The following KIF6 variants were observed in gnomAD, a reference collection of about 807,000 sequenced individuals.
The protein encoded by KIF6 is kinesin family member 6.
In KIF6, 106 loss-of-function variants were observed where a neutral mutation model predicts 112.7. That is an observed-to-expected ratio of 0.94 (90% CI 0.80 to 1.11). The LOEUF (loss-of-function observed/expected upper bound fraction) is 1.11, where lower values mean the gene tolerates loss of function less well. Ranked by LOEUF, KIF6 falls within the 50% of genes least tolerant of loss-of-function variation. The pLI is 0.00. For synonymous variants in KIF6, 339 were observed against 339.9 expected (o/e 1.00, Z 0.03); for missense variants, 929 against 964.0 (o/e 0.96, Z 0.48).
chr6:39,649,199 G>A (rs1405867370), intron 3 of KIF6, among the ~76,000 whole-genome samples: 1 of 152,074 alleles, frequency 6.6e-6, no homozygotes, highest in Non-Finnish European at 1.5e-5. Context: ...ATAAAAGCAT[G>A]TTCTGGCAAC....
At chr6:39,427,211 T>C (rs1419958207) in intron 14 of KIF6, among the ~76,000 whole-genome samples, 1 of 152,106 alleles carries the variant, frequency 6.6e-6, no homozygotes. Flanking sequence ...CTTCCCACAG[T>C]TGGGCCACAT....
intron 5 of KIF6, among the ~76,000 whole-genome samples, chr6:39,622,664 C>T (rs1318211950): frequency 6.6e-6 from 1 of 152,160 alleles, no homozygotes; most frequent in African/African-American, 2.4e-5. Flanking sequence ...TAGACTTTCC[C>T]AGATTCTCTT....
chr6:39,525,096 G>A (rs1018223469), intron 13 of KIF6, among the ~76,000 whole-genome samples: 1 of 152,186 alleles, frequency 6.6e-6, no homozygotes, highest in African/African-American at 2.4e-5. Flanking sequence ...TTCTATGATT[G>A]TTTGGTTAGG....
chr6:39,442,832 G>A (rs940363192), intron 13 of KIF6, among the ~76,000 whole-genome samples: 2 of 152,036 alleles, frequency 1.3e-5, no homozygotes, highest in East Asian at 2.0e-4. Context: ...GCTCCAGATC[G>A]GCTGGGCGCG....
chr6:39,682,582 T>C (rs1453017627), intron 3 of KIF6, among the ~76,000 whole-genome samples: 2 of 152,150 alleles, frequency 1.3e-5, no homozygotes, highest in African/African-American at 2.4e-5. Flanking sequence ...CTAGATAATT[T>C]CTTTTTATTT....
chr6:39,686,564 T>C (rs925839421), intron 3 of KIF6, among the ~76,000 whole-genome samples: 2 of 152,196 alleles, frequency 1.3e-5, no homozygotes, highest in Non-Finnish European at 2.9e-5. Flanking sequence ...CCAAATTCCC[T>C]AGTTTGGCAG....
In KIF6 at chr6:39,387,924, C is replaced by T. The variant is rs142354484; in HGVS notation, c.1811-2252G>A. ...GTGAGTCATCAAAAGCTTTTTAATC[C>T]TGCAGTATGGAGAGTCAGTGGTGCT... On this transcript the variant is annotated intron_variant, in intron 15 of 22. Transcript: ENST00000287152. Among the ~76,000 whole-genome samples the T allele has an allele frequency of 4.6e-5, 7 of 152,262 alleles. No individual in the cohort carries two copies. The East Asian group carries it at 7.7e-4, about 17-fold the overall frequency.
At chr6:39,473,182 G>A (rs372449860) in intron 13 of KIF6, among the ~76,000 whole-genome samples, 7 of 151,016 alleles carry the variant, frequency 4.6e-5, no homozygotes, top group South Asian at 4.2e-4. Context: ...CACAGCACCC[G>A]GTCAAAAAAA....
chr6:39,408,355 CT>C (rs1356517188), intron 15 of KIF6, among the ~76,000 whole-genome samples: 2 of 152,146 alleles, frequency 1.3e-5, no homozygotes, highest in Non-Finnish European at 2.9e-5. Context: ...GTTGCTCCCC[CT>C]AATTCTACTT....
intron 5 of KIF6, among the ~76,000 whole-genome samples, chr6:39,632,264 T>G (rs1214568876): frequency 2.6e-5 from 4 of 152,028 alleles, no homozygotes; most frequent in Non-Finnish European, 5.9e-5. Flanking sequence ...CACTCAACGG[T>G]AAGGAAGCTG....
At chr6:39,677,767 G>C (rs1357049949) in intron 3 of KIF6, among the ~76,000 whole-genome samples, 2 of 125,500 alleles carry the variant, frequency 1.6e-5, no homozygotes, top group Non-Finnish European at 3.3e-5. Flanking sequence ...CCACCTATGA[G>C]TGAGAATATG....
At chr6:39,351,182 CT>C (rs5875669) in intron 19 of KIF6, among the ~76,000 whole-genome samples, 1,229 of 106,764 alleles carry the variant, frequency 0.012, 9 homozygotes, top group African/African-American at 0.036. Context: ...TAGGATTAAA[CT>C]TTTTTTTTTT....
intron 19 of KIF6, among the ~76,000 whole-genome samples, chr6:39,349,650 T>C (rs1764079519): frequency 8.5e-6 from 1 of 118,166 alleles, no homozygotes; most frequent in Admixed American, 7.8e-5. Flanking sequence ...TTTTTTTTTT[T>C]TTTTTTTTTT....
chr6:39,345,683 AG>A lies in KIF6; in HGVS notation c.2321+16del. 1 of 1,607,630 alleles carries A rather than the reference AG, an allele frequency of 6.2e-7. No individual in the cohort carries two copies. Among genetic ancestry groups the A allele is most frequent in the Non-Finnish European group, 8.5e-7 (1 of 1,176,442 alleles). On this transcript the variant is annotated intron_variant, in intron 21 of 22. Transcript: ENST00000287152. ...CTGCAGGGGCTGTCACAGGCATAACAGGAGAAGACCACAGACCTGTCTTCCA... is the reference window on the plus strand; with the variant it reads ...CTGCAGGGGCTGTCACAGGCATAACAGAGAAGACCACAGACCTGTCTTCCA...
rs954744041 is a variant in KIF6, at chr6:39,439,700, T to TC, written c.1646-8540dup. Among the ~76,000 whole-genome samples, 5 of 152,250 alleles carry TC rather than the reference T, an allele frequency of 3.3e-5. No individual in the cohort carries two copies. The East Asian group carries it at 7.7e-4, about 24-fold the overall frequency. ...GTCCCTTACCCACTTCTTAATGCTT[T>TC]CTTTTTTTTTCAACCTGAAATTCAG... is the stretch of plus-strand genomic sequence containing the variant. On this transcript the variant is annotated intron_variant, in intron 13 of 22. Transcript: ENST00000287152.
intron 15 of KIF6, among the ~76,000 whole-genome samples, chr6:39,415,936 T>C (rs955456062): frequency 3.9e-5 from 6 of 152,256 alleles, no homozygotes; most frequent in African/African-American, 1.4e-4. Context: ...TTTTTCTCTT[T>C]CTTTGCCTCT....
chr6:39,650,524 T>C lies in KIF6; in HGVS notation c.252-10767A>G, dbSNP rs779040661. Among the ~76,000 whole-genome samples the C allele has an allele frequency of 1.6e-4, 25 of 151,692 alleles. 1 individual carries two copies. Among genetic ancestry groups the C allele is most frequent in the Admixed American group, 5.3e-4 (8 of 15,236 alleles). On this transcript the variant is annotated intron_variant, in intron 3 of 22. Transcript: ENST00000287152. ...TTACATTATATTATACATTATTTTA[T>C]CTTATTTACATTATCTTATTTACAT...
At chr6:39,544,478 G>C in intron 12 of KIF6, 77 bp downstream of exon 12, 1 of 1,456,610 alleles carries the variant, frequency 6.9e-7, no homozygotes, top group African/African-American at 1.4e-5. Flanking sequence ...GCTCAGCCAT[G>C]TGGCTCAGGA....
intron 6 of KIF6, among the ~76,000 whole-genome samples, chr6:39,612,857 A>G (rs1420128386): frequency 6.6e-6 from 1 of 152,226 alleles, no homozygotes; most frequent in East Asian, 1.9e-4. Flanking sequence ...CATGTAATAC[A>G]TTGTCATTAA....
Sources: gnomAD v4.1 joint callset for allele counts (sites outside exome capture counted in the v4.1 genomes callset) on GRCh38, gnomAD v4.1.1 for gene constraint, MANE v1.5 for transcripts, NCBI Gene and HGNC (gene_info 2026-07-23, HGNC 2026-07-21) for gene names.